Variants in SLC39A12 observed in about 807,000 individuals in gnomAD.
The protein encoded by SLC39A12 is solute carrier family 39 member 12.
Under a neutral mutation model 71.1 loss-of-function variants are expected in SLC39A12, and 63 were observed. The ratio of observed to expected loss-of-function variants is 0.89; its 90% CI spans 0.72 to 1.09. SLC39A12 has a LOEUF of 1.09. Among genes scored for constraint, SLC39A12 ranks in the 50% least tolerant of loss-of-function variants. The pLI is 0.00. For synonymous variants in SLC39A12, 351 were observed against 301.3 expected (o/e 1.16, Z -1.71); for missense variants, 892 against 812.6 (o/e 1.10, Z -1.19).
At chr10:18,008,574 A>G (rs1031784130) in intron 12 of SLC39A12, 1 of 152,160 alleles carries the variant, frequency 6.6e-6, no homozygotes, top group African/African-American at 2.4e-5. Context: ...CCACGGAAAA[A>G]TTGTCTTCCA....
At chr10:17,995,604 A>C in intron 9 of SLC39A12, 52 bp from the exon 10 acceptor site, 1 of 1,535,666 alleles carries the variant, frequency 6.5e-7, no homozygotes, top group South Asian at 1.1e-5. Flanking sequence ...ATTTTTCAAC[A>C]AAATGATGGC....
At chr10:18,035,964 G>C (rs1836995548) in intron 12 of SLC39A12, among the ~76,000 whole-genome samples, 1 of 152,180 alleles carries the variant, frequency 6.6e-6, no homozygotes, top group Non-Finnish European at 1.5e-5. Flanking sequence ...CTGCTCGGGG[G>C]TCAGGGGTCA....
At chr10:17,976,717 G>A (rs1035350987) in intron 4 of SLC39A12, among the ~76,000 whole-genome samples, 26 of 152,144 alleles carry the variant, frequency 1.7e-4, no homozygotes, top group African/African-American at 6.0e-4. Flanking sequence ...GAGCCACCAC[G>A]CTGGTCCTCA....
chr10:17,977,885 T>C lies in SLC39A12; in HGVS notation c.752-17T>C. On this transcript the variant is annotated splice_polypyrimidine_tract_variant and intron_variant, in intron 4 of 12. Coordinates refer to ENST00000377369, the MANE Select transcript of SLC39A12 (RefSeq NM_001145195.2). ...TATCTATTCTATGTGACACCAGATTTTATATGAAATTTCTAGAACTAGACC... is the reference window on the plus strand; with the variant it reads ...TATCTATTCTATGTGACACCAGATTCTATATGAAATTTCTAGAACTAGACC... The C allele has an allele frequency of 6.4e-7, 1 of 1,557,496 alleles. No homozygotes were observed. Among genetic ancestry groups the C allele is most frequent in the Non-Finnish European group, 8.6e-7 (1 of 1,157,014 alleles).
At chr10:17,957,380 G>A (rs1438473557) in intron 2 of SLC39A12, among the ~76,000 whole-genome samples, 2 of 152,116 alleles carry the variant, frequency 1.3e-5, no homozygotes, top group Non-Finnish European at 2.9e-5. Flanking sequence ...ATTTTAATCA[G>A]TCTTTTCCCA....
intron 12 of SLC39A12, among the ~76,000 whole-genome samples, chr10:18,039,936 A>G (rs1368331767): frequency 7.2e-5 from 11 of 152,234 alleles, no homozygotes; most frequent in Non-Finnish European, 8.8e-5. Context: ...TTGAACTAAT[A>G]TCAAGGCATT....
In SLC39A12 at chr10:18,013,346, TTTATTATTATTATTA is replaced by T. The variant is rs35228459; in HGVS notation, c.1947+10013_1947+10027del. Among the ~76,000 whole-genome samples the T allele has an allele frequency of 1.1e-4, 15 of 139,834 alleles. No homozygotes were observed. In the South Asian group the frequency reaches 1.2e-3, roughly 11 times the overall value. 91.7% of individuals were successfully genotyped at this position (139,834 alleles called of 152,430 possible). The stretch of plus-strand genomic sequence containing the variant: ...GGTATTAGGTAAACATCCAACTTTA[TTTATTATTATTATTA>T]TTATTATTATTATTATTATTATTAG... On this transcript the variant is annotated intron_variant, in intron 12 of 12. Transcript: ENST00000377369.
chr10:17,974,661 T>C (rs941660133), intron 4 of SLC39A12, among the ~76,000 whole-genome samples: 1 of 152,176 alleles, frequency 6.6e-6, no homozygotes, highest in Admixed American at 6.5e-5. Context: ...AAACTGACAG[T>C]GTACTGACAC....
chr10:18,023,307 A>G (rs191776347), intron 12 of SLC39A12, among the ~76,000 whole-genome samples: 219 of 151,992 alleles, frequency 1.4e-3, no homozygotes, highest in South Asian at 0.012. Context: ...GCTGCCTGGT[A>G]AAGAGCAGGG....
intron 3 of SLC39A12, among the ~76,000 whole-genome samples, chr10:17,962,743 A>G (rs1173413217): frequency 6.6e-6 from 1 of 152,168 alleles, no homozygotes; most frequent in Non-Finnish European, 1.5e-5. Context: ...AATTTCTTTT[A>G]TTGGCAGAGC....
intron 7 of SLC39A12, among the ~76,000 whole-genome samples, chr10:17,989,523 G>T (rs755997359): frequency 9.2e-5 from 14 of 152,232 alleles, no homozygotes; most frequent in African/African-American, 1.4e-4. Context: ...GGAGCCCACA[G>T]CGAAGGTGGA....
rs559495234 is a variant in SLC39A12 at position 17,978,023 on chromosome 10, C to G, written c.873C>G (p.Phe291Leu). ...IITHDQDYSN[F>L]SSSMEKESED... ...CCCATGATCAGGACTATTCTAATTT[C>G]TCTTCATCCATGGAAAAAGAGTCTG... is the stretch of plus-strand genomic sequence containing the variant. Residue 291 changes from phenylalanine (F) to leucine (L), a missense_variant, in exon 5 of 13, where the codon TTC (phenylalanine) becomes TTG (leucine). Phe to Leu is a conservative substitution (Grantham distance 22). Transcript: ENST00000377369. 1 of 1,604,338 alleles carries G rather than the reference C, an allele frequency of 6.2e-7. No homozygotes were observed. Among genetic ancestry groups the G allele is most frequent in the Non-Finnish European group, 8.5e-7 (1 of 1,176,408 alleles).
intron 11 of SLC39A12, chr10:18,002,022 C>T (rs1174130143): frequency 6.6e-6 from 1 of 150,874 alleles, no homozygotes; most frequent in Non-Finnish European, 1.5e-5. Flanking sequence ...TAACCTTCTT[C>T]TATTCTTTAA....
chr10:18,013,346 T>TTTTTTTTTATTATTATTA (rs57028037), intron 12 of SLC39A12, among the ~76,000 whole-genome samples: 1 of 139,846 alleles, frequency 7.2e-6, no homozygotes, highest in Non-Finnish European at 1.5e-5. Context: ...TCCAACTTTA[T>TTTTTTTTTATTATTATTA]TTATTATTAT....
intron 12 of SLC39A12, among the ~76,000 whole-genome samples, chr10:18,028,862 G>T (rs1231240887): frequency 6.6e-6 from 1 of 151,970 alleles, no homozygotes; most frequent in African/African-American, 2.4e-5. Flanking sequence ...TAGGATTATA[G>T]GCACCTGCCA....
chr10:18,012,096 A>G (rs1331640274), intron 12 of SLC39A12, among the ~76,000 whole-genome samples: 7 of 152,204 alleles, frequency 4.6e-5, no homozygotes, highest in African/African-American at 1.7e-4. Flanking sequence ...AGTGGGAACA[A>G]ACCGCCTGAT....
Position 18,042,830 on chromosome 10 carries a change from A to C in SLC39A12, c.2073A>C (p.Ile691=). The C allele has an allele frequency of 6.2e-7, 1 of 1,603,384 alleles. No individual in the cohort carries two copies. The highest frequency in any genetic ancestry group is 8.5e-7 in the Non-Finnish European group (1 of 1,176,306). ...LLAIYEQNIK[I] is the part of the protein sequence containing the mutation. ...CTATATATGAGCAAAATATTAAAAT[A>C]TAAGTGAGGATCTTCAACATCTTTC... The change falls in exon 13 of 13, where the codon ATA becomes ATC. Residue 691 remains isoleucine (I), a synonymous_variant. Transcript: ENST00000377369.
intron 12 of SLC39A12, among the ~76,000 whole-genome samples, chr10:18,032,969 T>G (rs10443981): frequency 6.8e-6 from 1 of 146,284 alleles, no homozygotes; most frequent in Non-Finnish European, 1.5e-5. Flanking sequence ...TTTGCGTATA[T>G]TGAACCAGCC....
chr10:17,952,606 G>C (rs1363891162), intron 1 of SLC39A12, among the ~76,000 whole-genome samples: 1 of 150,504 alleles, frequency 6.6e-6, no homozygotes, highest in Admixed American at 6.7e-5. Context: ...TTCTGCCTCA[G>C]CCTCCCATGT....
Sources: gnomAD v4.1 joint callset for allele counts (sites outside exome capture counted in the v4.1 genomes callset) on GRCh38, gnomAD v4.1.1 for gene constraint, MANE v1.5 for transcripts, NCBI Gene and HGNC (gene_info 2026-07-23, HGNC 2026-07-21) for gene names.